NAMPT: variants seen among roughly 807,000 people sequenced by gnomAD.
The protein encoded by NAMPT is NAmPRTase.
A neutral mutation model predicts 58.7 loss-of-function variants in NAMPT; 7 were observed. That is an observed-to-expected ratio of 0.12 (90% CI 0.07 to 0.22). The LOEUF (loss-of-function observed/expected upper bound fraction) is 0.22. NAMPT is among the 10% of genes least tolerant of loss of function. NAMPT has a pLI of 1.00. For synonymous variants in NAMPT, 145 were observed against 198.1 expected (o/e 0.73, Z 2.25); for missense variants, 271 against 567.9 (o/e 0.48, Z 5.31).
At chr7:106,272,405 C>A in intron 4 of NAMPT, 125 bp downstream of exon 4, 2 of 770,614 alleles carry the variant, frequency 2.6e-6, no homozygotes, top group Non-Finnish European at 3.9e-6. Flanking sequence ...GAAATTGAAG[C>A]CTGGAAAGGT....
intron 1 of NAMPT, among the ~76,000 whole-genome samples, chr7:106,280,740 G>A (rs548480415): frequency 1.3e-5 from 2 of 152,030 alleles, no homozygotes; most frequent in Non-Finnish European, 2.9e-5. Context: ...GGGAGATGGA[G>A]ACCATCCTGG....
At chr7:106,275,215 AT>A (rs1792609620) in intron 2 of NAMPT, 166 bp from the exon 3 acceptor site, 2 of 427,428 alleles carry the variant, frequency 4.7e-6, no homozygotes, top group Non-Finnish European at 8.4e-6. Context: ...CAGAAAAGGA[AT>A]TTGTACTTTT....
intron 9 of NAMPT, 108 bp from the exon 10 acceptor site, chr7:106,253,259 C>T: frequency 1.7e-6 from 2 of 1,205,398 alleles, no homozygotes; most frequent in South Asian, 1.5e-5. Context: ...AAGTTTTAAG[C>T]ACTTAATAGG....
chr7:106,280,766 C>A (rs913094088), intron 1 of NAMPT, among the ~76,000 whole-genome samples: 2 of 151,850 alleles, frequency 1.3e-5, no homozygotes, highest in South Asian at 2.1e-4. Flanking sequence ...ATGGTGAAAC[C>A]CCGTCTCTAC....
At chr7:106,263,150 A>T in intron 7 of NAMPT, 1 of 472,554 alleles carries the variant, frequency 2.1e-6, no homozygotes, top group Non-Finnish European at 3.7e-6. Flanking sequence ...GCAGGTAAGC[A>T]GAAAACAAAA....
intron 5 of NAMPT, 91 bp from the exon 6 acceptor site, chr7:106,268,691 G>A: frequency 1.2e-6 from 1 of 851,704 alleles, no homozygotes; most frequent in Non-Finnish European, 2.0e-6. Context: ...AAGGAATATA[G>A]CATAGCTCCC....
At chr7:106,258,069 T>G (rs1022578695) in intron 8 of NAMPT, among the ~76,000 whole-genome samples, 2 of 152,228 alleles carry the variant, frequency 1.3e-5, no homozygotes, top group African/African-American at 4.8e-5. Flanking sequence ...CCCTTCTCCC[T>G]GCAGACTTTT....
At chr7:106,257,886 G>A (rs1320310508) in intron 8 of NAMPT, among the ~76,000 whole-genome samples, 1 of 113,190 alleles carries the variant, frequency 8.8e-6, no homozygotes, top group Non-Finnish European at 2.0e-5. Context: ...TCACCTGCAA[G>A]GGGGAGGGGT....
intron 1 of NAMPT, among the ~76,000 whole-genome samples, chr7:106,279,061 T>A (rs1414427096): frequency 6.6e-6 from 1 of 152,128 alleles, no homozygotes; most frequent in Non-Finnish European, 1.5e-5. Flanking sequence ...TCTAAAAGTA[T>A]ACTGAAAATG....
Position 106,250,089 on chromosome 7 carries a change from A to G in NAMPT, c.*994T>C, listed in dbSNP as rs569154055. On this transcript the variant is annotated 3_prime_UTR_variant, in exon 11 of 11. Coordinates refer to ENST00000222553, the MANE Select transcript of NAMPT (RefSeq NM_005746.3). ...ATTTTTTAAAAACTTAATAAAAAAT[A>G]TAACAGAATTGAAACATTTAAGTAC... 13 of 152,624 alleles carry G rather than the reference A, an allele frequency of 8.5e-5. No homozygotes were observed. The highest frequency in any genetic ancestry group is 1.9e-4 in the African/African-American group (8 of 41,568). 9.5% of individuals were successfully genotyped at this position (152,624 alleles called of 1,614,324 possible). A position where few individuals can be genotyped will look rare whatever the true frequency, so the allele number is the denominator to read the frequency against.
chr7:106,261,647 G>A lies in NAMPT; in HGVS notation c.1030C>T (p.Leu344=), dbSNP rs777164590. Residue 344 remains leucine (L), a synonymous_variant, in exon 8 of 11, where the codon CTG becomes TTG. Transcript: ENST00000222553. The part of the protein sequence containing the change: ...VTENSKGYKL[L]PPYLRVIQGD... ...TGAATAACTCTAAGATAAGGTGGCA[G>A]CAACTTGTAACCCTTTGAGTTCTCA... 3.1e-6 allele frequency: 5 copies of A among 1,596,694 alleles called. No homozygotes were observed. Among genetic ancestry groups the A allele is most frequent in the South Asian group, 1.1e-5 (1 of 90,736 alleles).
intron 3 of NAMPT, among the ~76,000 whole-genome samples, chr7:106,273,946 T>G (rs1299973293): frequency 2.0e-5 from 3 of 152,070 alleles, no homozygotes; most frequent in African/African-American, 7.2e-5. Flanking sequence ...AACTTTCGTT[T>G]GTGAGACTTA....
In NAMPT at chr7:106,250,401, A is replaced by G. The variant is rs926937274; in HGVS notation, c.*682T>C. 6.6e-6 allele frequency: 1 copy of G among 152,524 alleles called. No individual in the cohort carries two copies. Among genetic ancestry groups the G allele is most frequent in the Non-Finnish European group, 1.5e-5 (1 of 67,972 alleles). 9.4% of individuals were successfully genotyped at this position (152,524 alleles called of 1,614,324 possible). A position where few individuals can be genotyped will look rare whatever the true frequency, so the allele number is the denominator to read the frequency against. Reference sequence around the variant, plus strand: ...TACAATACAACAACCAAGATATATAATAACTGTACAGTGCCTAGACATTCC... The same window carrying G: ...TACAATACAACAACCAAGATATATAGTAACTGTACAGTGCCTAGACATTCC... On this transcript the variant is annotated 3_prime_UTR_variant, in exon 11 of 11. Transcript: ENST00000222553.
intron 1 of NAMPT, among the ~76,000 whole-genome samples, chr7:106,280,958 A>G (rs1157061799): frequency 6.6e-6 from 1 of 151,440 alleles, no homozygotes; most frequent in African/African-American, 2.4e-5. Context: ...AAACAAACAT[A>G]AGCACAAACA....
At chr7:106,255,223 T>C (rs1189377137) in intron 8 of NAMPT, among the ~76,000 whole-genome samples, 1 of 152,214 alleles carries the variant, frequency 6.6e-6, no homozygotes, top group African/African-American at 2.4e-5. Context: ...GATGTGTTTA[T>C]TACCAATGTC....
At chr7:106,272,259 G>A in intron 4 of NAMPT, 1 of 278,816 alleles carries the variant, frequency 3.6e-6, no homozygotes, top group Non-Finnish European at 7.2e-6. Flanking sequence ...ACTTAAAATG[G>A]CAATGAATTA....
chr7:106,259,704 G>A (rs926231733), intron 8 of NAMPT, among the ~76,000 whole-genome samples: 2 of 152,124 alleles, frequency 1.3e-5, no homozygotes, highest in Admixed American at 6.5e-5. Flanking sequence ...TTACAGGCGT[G>A]AGCCACCACA....
intron 7 of NAMPT, among the ~76,000 whole-genome samples, chr7:106,262,071 A>C (rs921798612): frequency 6.6e-6 from 1 of 152,078 alleles, no homozygotes. Flanking sequence ...TCATGATTAT[A>C]CTTTTAATTT....
chr7:106,272,787 A>G, intron 3 of NAMPT, 129 bp from the exon 4 acceptor site: 1 of 880,812 alleles, frequency 1.1e-6, no homozygotes, highest in Non-Finnish European at 1.8e-6. Flanking sequence ...TGTAGATGTT[A>G]CTGTAATCTA....
Sources: gnomAD v4.1 joint callset for allele counts (sites outside exome capture counted in the v4.1 genomes callset) on GRCh38, gnomAD v4.1.1 for gene constraint, MANE v1.5 for transcripts, NCBI Gene and HGNC (gene_info 2026-07-23, HGNC 2026-07-21) for gene names.